The following MGAT5 variants were observed in gnomAD, a reference collection of about 807,000 sequenced individuals.
MGAT5 encodes the protein alpha-1,6-mannosylglycoprotein 6-beta-N-acetylglucosaminyltransferase, also known as alpha-1,6-mannosylglycoprotein 6-beta-N-acetylglucosaminyltransferase A.
Under a neutral mutation model 94.3 loss-of-function variants are expected in MGAT5, and 30 were observed. The observed-to-expected ratio is 0.32, with a 90% CI of 0.24 to 0.43. MGAT5 has a LOEUF of 0.43. Among genes scored for constraint, MGAT5 ranks in the 20% least tolerant of loss-of-function variants. MGAT5 has a pLI of 1.00. For missense variants in MGAT5, 691 were observed against 905.5 expected (o/e 0.76, Z 3.04); for synonymous variants, 310 against 322.9 (o/e 0.96, Z 0.43).
intron 2 of MGAT5, among the ~76,000 whole-genome samples, chr2:134,300,323 G>A (rs1685939204): frequency 1.3e-5 from 2 of 152,106 alleles, no homozygotes; most frequent in African/African-American, 4.8e-5. Context: ...TCTGAAGTCG[G>A]GTGATTTCTG....
intron 1 of MGAT5, among the ~76,000 whole-genome samples, chr2:134,256,792 A>G (rs1465311512): frequency 1.3e-5 from 2 of 152,246 alleles, no homozygotes; most frequent in Non-Finnish European, 2.9e-5. Flanking sequence ...CTCAAAAACA[A>G]CAAAGAAACA....
chr2:134,324,743 C>T (rs1327631728), intron 4 of MGAT5, among the ~76,000 whole-genome samples: 1 of 152,014 alleles, frequency 6.6e-6, no homozygotes, highest in African/African-American at 2.4e-5. Flanking sequence ...AAACAACTAA[C>T]GTTTTGGGGT....
chr2:134,137,106 C>T (rs995651518), intron 1 of MGAT5, among the ~76,000 whole-genome samples: 2 of 152,224 alleles, frequency 1.3e-5, no homozygotes, highest in African/African-American at 4.8e-5. Context: ...AGACATTCTG[C>T]AGGAAAATGC....
chr2:134,146,765 TG>T (rs979348552), intron 1 of MGAT5, among the ~76,000 whole-genome samples: 2 of 152,096 alleles, frequency 1.3e-5, no homozygotes, highest in African/African-American at 4.8e-5. Context: ...CTTTCAGCCC[TG>T]GGGACTGGCC....
chr2:134,126,357 T>C (rs1573701891), intron 1 of MGAT5, among the ~76,000 whole-genome samples: 1 of 152,214 alleles, frequency 6.6e-6, no homozygotes, highest in African/African-American at 2.4e-5. Context: ...AGCTGTTAGG[T>C]TGAGAAGTAA....
chr2:134,203,416 G>A (rs1293362037), intron 1 of MGAT5, among the ~76,000 whole-genome samples: 1 of 152,182 alleles, frequency 6.6e-6, no homozygotes, highest in African/African-American at 2.4e-5. Flanking sequence ...CTAAGGATCA[G>A]TCACAGGATG....
chr2:134,388,212 CTT>C (rs1432152535), intron 10 of MGAT5, among the ~76,000 whole-genome samples: 2 of 152,150 alleles, frequency 1.3e-5, no homozygotes, highest in Non-Finnish European at 2.9e-5. Context: ...TGTGATGACT[CTT>C]TTTCTTTAAA....
chr2:134,146,229 A>G (rs1471407044), intron 1 of MGAT5, among the ~76,000 whole-genome samples: 2 of 152,172 alleles, frequency 1.3e-5, no homozygotes, highest in Non-Finnish European at 2.9e-5. Context: ...TATATTAAGT[A>G]AAAGGAAATG....
At chr2:134,199,745 A>C (rs558121331) in intron 1 of MGAT5, among the ~76,000 whole-genome samples, 1 of 151,828 alleles carries the variant, frequency 6.6e-6, no homozygotes, top group East Asian at 1.9e-4. Flanking sequence ...TTCCTTTATT[A>C]TTTGAACCTT....
intron 14 of MGAT5, among the ~76,000 whole-genome samples, chr2:134,429,729 C>A (rs1022549910): frequency 5.9e-5 from 9 of 152,170 alleles, no homozygotes; most frequent in African/African-American, 4.8e-5. Context: ...CACGAGAAAC[C>A]ATTTGAATCT....
chr2:134,197,444 T>A (rs1050848890), intron 1 of MGAT5, among the ~76,000 whole-genome samples: 11 of 152,242 alleles, frequency 7.2e-5, no homozygotes, highest in African/African-American at 2.7e-4. Flanking sequence ...GCAAAGCTTG[T>A]ATTTTCAGGT....
intron 5 of MGAT5, 33 bp from the exon 6 acceptor site, chr2:134,338,226 C>A: frequency 6.5e-7 from 1 of 1,536,350 alleles, no homozygotes; most frequent in Non-Finnish European, 8.9e-7. Context: ...GACTTTTTAT[C>A]TTCTATTCAT....
At chr2:134,301,927 GA>G (rs1470190975) in intron 2 of MGAT5, among the ~76,000 whole-genome samples, 1 of 152,122 alleles carries the variant, frequency 6.6e-6, no homozygotes, top group Non-Finnish European at 1.5e-5. Flanking sequence ...AGACCTGGGG[GA>G]TGCAAGTCTT....
intron 1 of MGAT5, among the ~76,000 whole-genome samples, chr2:134,234,303 C>T (rs1681523073): frequency 2.0e-5 from 3 of 152,164 alleles, no homozygotes; most frequent in South Asian, 2.1e-4. Context: ...CACCAGCAGC[C>T]ATCTTTATTA....
intron 1 of MGAT5, among the ~76,000 whole-genome samples, chr2:134,142,281 G>A (rs1214753617): frequency 1.3e-5 from 2 of 152,188 alleles, no homozygotes; most frequent in African/African-American, 2.4e-5. Flanking sequence ...ATACCACCCC[G>A]AAAAGAGTGT....
intron 4 of MGAT5, among the ~76,000 whole-genome samples, chr2:134,327,055 A>G (rs1027592205): frequency 2.0e-5 from 3 of 152,224 alleles, no homozygotes; most frequent in Middle Eastern, 3.4e-3. Flanking sequence ...TATTGAATGA[A>G]TGGTTCTATC....
At chr2:134,298,993 A>T (rs960174190) in intron 2 of MGAT5, among the ~76,000 whole-genome samples, 3 of 152,204 alleles carry the variant, frequency 2.0e-5, no homozygotes, top group Non-Finnish European at 4.4e-5. Flanking sequence ...TTAGTGTCCC[A>T]TTTGAGAATA....
chr2:134,265,387 G>C (rs1286010792), intron 1 of MGAT5, among the ~76,000 whole-genome samples: 1 of 152,132 alleles, frequency 6.6e-6, no homozygotes, highest in African/African-American at 2.4e-5. Flanking sequence ...TCTGCTCAAG[G>C]ATGTGTCTGT....
At chr2:134,294,507 G>T (rs1685554455) in intron 2 of MGAT5, among the ~76,000 whole-genome samples, 1 of 152,126 alleles carries the variant, frequency 6.6e-6, no homozygotes, top group East Asian at 1.9e-4. Flanking sequence ...TGTGTAAGGG[G>T]ATTTGTAGTT....
Sources: gnomAD v4.1 joint callset for allele counts (sites outside exome capture counted in the v4.1 genomes callset) on GRCh38, gnomAD v4.1.1 for gene constraint, MANE v1.5 for transcripts, NCBI Gene and HGNC (gene_info 2026-07-23, HGNC 2026-07-21) for gene names.